The following TMEM245 variants were observed in gnomAD, a reference collection of about 807,000 sequenced individuals.
The protein encoded by TMEM245 is transmembrane protein 245.
Under a neutral mutation model 101.2 loss-of-function variants are expected in TMEM245, and 69 were observed. That is an observed-to-expected ratio of 0.68 (90% CI 0.56 to 0.83). TMEM245 has a LOEUF of 0.83. Among genes scored for constraint, TMEM245 ranks in the 40% least tolerant of loss-of-function variants. The pLI is 0.00. For synonymous variants in TMEM245, 537 were observed against 449.8 expected, an observed-to-expected ratio of 1.19 and a Z score of -2.45; for missense variants, 1,075 against 1,092.8, an observed-to-expected ratio of 0.98 and a Z score of 0.23.
At chr9:109,024,634 G>A (rs762936936) in intron 17 of TMEM245, among the ~76,000 whole-genome samples, 4 of 152,314 alleles carry the variant, frequency 2.6e-5, no homozygotes, top group Admixed American at 2.0e-4. Context: ...TCACAAAAAG[G>A]GTACTTTGAG....
intron 17 of TMEM245, 66 bp downstream of exon 17, chr9:109,033,241 A>G (rs1222026840): frequency 7.0e-7 from 1 of 1,435,088 alleles, no homozygotes; most frequent in Non-Finnish European, 9.3e-7. Context: ...GAAGCTACTT[A>G]TCAAATACAG....
chr9:109,095,315 C>A (rs1420118282), intron 3 of TMEM245, among the ~76,000 whole-genome samples: 1 of 152,094 alleles, frequency 6.6e-6, no homozygotes, highest in Non-Finnish European at 1.5e-5. Flanking sequence ...CAGACCCTGC[C>A]CCCAGGGAGT....
At chr9:109,110,918 G>A (rs575991785) in intron 1 of TMEM245, among the ~76,000 whole-genome samples, 84 of 152,280 alleles carry the variant, frequency 5.5e-4, no homozygotes, top group African/African-American at 1.9e-3. Context: ...GTCAGCCTAT[G>A]ACTAGTAGAA....
chr9:109,067,902 C>A (rs1415995959), intron 9 of TMEM245, among the ~76,000 whole-genome samples: 8 of 152,126 alleles, frequency 5.3e-5, no homozygotes. Flanking sequence ...CTACATGAAT[C>A]CCCTACAAGG....
chr9:109,064,653 A>G (rs1049615097), intron 9 of TMEM245, 86 bp from the exon 10 acceptor site: 10 of 1,080,568 alleles, frequency 9.3e-6, no homozygotes, highest in Non-Finnish European at 1.2e-5. Context: ...TGCTTAATCC[A>G]TAACAGACAG....
At chr9:109,097,256 A>C (rs1830166043) in intron 3 of TMEM245, among the ~76,000 whole-genome samples, 1 of 152,218 alleles carries the variant, frequency 6.6e-6, no homozygotes, top group African/African-American at 2.4e-5. Flanking sequence ...TGTTTCAGGA[A>C]GACAAAAAAA....
chr9:109,109,295 G>A (rs1250781402), intron 1 of TMEM245, among the ~76,000 whole-genome samples: 3 of 152,180 alleles, frequency 2.0e-5, no homozygotes, highest in Admixed American at 6.5e-5. Flanking sequence ...AGAAACCAGC[G>A]TAGCCTACAC....
intron 3 of TMEM245, among the ~76,000 whole-genome samples, chr9:109,104,274 G>T (rs552872083): frequency 6.6e-6 from 1 of 152,078 alleles, no homozygotes; most frequent in Admixed American, 6.6e-5. Context: ...CACATTACAT[G>T]CCTGTGTCAA....
chr9:109,089,092 A>G (rs1036634504), intron 5 of TMEM245, among the ~76,000 whole-genome samples: 2 of 152,004 alleles, frequency 1.3e-5, no homozygotes, highest in African/African-American at 4.8e-5. Context: ...CCTGGGCAAC[A>G]TGGCAAACTA....
chr9:109,119,054 G>A (rs1025323020), intron 1 of TMEM245, among the ~76,000 whole-genome samples: 1 of 152,172 alleles, frequency 6.6e-6, no homozygotes, highest in Non-Finnish European at 1.5e-5. Context: ...TCTGCAAAGC[G>A]AAATAACGAT....
At chr9:109,028,477 A>C (rs1827854710) in intron 17 of TMEM245, among the ~76,000 whole-genome samples, 1 of 151,796 alleles carries the variant, frequency 6.6e-6, no homozygotes, top group African/African-American at 2.4e-5. Context: ...AAAATCCAAA[A>C]TGCTCCAACG....
At chr9:109,054,939 C>T (rs1333878606) in intron 12 of TMEM245, among the ~76,000 whole-genome samples, 1 of 152,194 alleles carries the variant, frequency 6.6e-6, no homozygotes, top group African/African-American at 2.4e-5. Context: ...CATACAAAAA[C>T]TACTAATCAT....
chr9:109,093,424 G>T, intron 4 of TMEM245, 51 bp downstream of exon 4: 2 of 1,484,534 alleles, frequency 1.3e-6, no homozygotes, highest in East Asian at 4.5e-5. Flanking sequence ...TACTTTCTAT[G>T]TACATTTCAT....
In TMEM245 at chr9:109,036,227, G is replaced by A; in HGVS notation, c.2378C>T (p.Ala793Val). Residue 793 changes from alanine (A) to valine (V), a missense_variant, in exon 16 of 18, where the codon GCA becomes GTA. Physicochemically the swap from Ala to Val is moderately conservative, Grantham distance 64. Around this residue, in one of 2 missense-constraint regions of TMEM245, gnomAD observed 267 missense variants for 351.3 expected, o/e 0.76. Coordinates refer to ENST00000374586, the MANE Select transcript of TMEM245 (RefSeq NM_032012.4). ...TTACCCTGATATGTCAGAGTAGATT[G>A]CAGTATCTACAAAGTATGTTGGCAA... is the stretch of plus-strand genomic sequence containing the variant. ...HLLPTYFVDT[A>V]IYSDISGGGH... 6.2e-7 allele frequency: 1 copy of A among 1,611,198 alleles called. No individual in the cohort carries two copies. Among genetic ancestry groups the A allele is most frequent in the Non-Finnish European group, 8.5e-7 (1 of 1,179,338 alleles).
chr9:109,087,657 A>G lies in TMEM245; in HGVS notation c.1151-315T>C, dbSNP rs184229033. Among the ~76,000 whole-genome samples the G allele has an allele frequency of 5.9e-5, 9 of 152,338 alleles. No homozygotes were observed. In the South Asian group the frequency reaches 1.9e-3, roughly 32 times the overall value. ...CATCGTGAAGATTTCAGTGACTACA[A>G]TTCTGGCCCCTTGCATATTCCCCCT... is the stretch of plus-strand genomic sequence containing the variant. On this transcript the variant is annotated intron_variant, in intron 5 of 17. Transcript: ENST00000374586.
rs774246979 is a variant in TMEM245 at position 109,073,457 on chromosome 9, A to C, written c.1450-19T>G. The C allele has an allele frequency of 6.4e-7, 1 of 1,556,578 alleles. No homozygotes were observed. Among genetic ancestry groups the C allele is most frequent in the South Asian group, 1.1e-5 (1 of 87,430 alleles). ...GATGTACCTGTATTACAGATAAAGA[A>C]AGAAAAGAATCTCAGTAAAAAATAA... On this transcript the variant is annotated intron_variant, in intron 8 of 17. Transcript: ENST00000374586.
At chr9:109,073,291 T>C in intron 9 of TMEM245, 65 bp downstream of exon 9, 2 of 1,228,562 alleles carry the variant, frequency 1.6e-6, no homozygotes, top group Admixed American at 3.4e-5. Context: ...TGAAGGTCAT[T>C]TCGTGCAAAC....
At position 109,033,296 on chromosome 9, in the gene TMEM245, C is replaced by T; in HGVS notation, c.2594+11G>A. 6.3e-7 allele frequency: 1 copy of T among 1,592,410 alleles called. No homozygotes were observed. The highest frequency in any genetic ancestry group is 8.5e-7 in the Non-Finnish European group (1 of 1,170,230). ...ATAAATACAGCTTATGATTATTCTG[C>T]TTTAACTCACCGCTGAGGCTGAGCA... On this transcript the variant is annotated intron_variant, in intron 17 of 17. Coordinates refer to ENST00000374586, the MANE Select transcript of TMEM245 (RefSeq NM_032012.4).
chr9:109,016,966 T>A lies in TMEM245; in HGVS notation c.*3494A>T, dbSNP rs1827465376. On this transcript the variant is annotated 3_prime_UTR_variant, in exon 18 of 18. Transcript: ENST00000374586. Reference sequence around the variant, plus strand: ...TTTTTTTTTCCTATAAACCCTGAGGTTGAAAGCTCTGGATAGCTCACCTAA... The same window carrying A: ...TTTTTTTTTCCTATAAACCCTGAGGATGAAAGCTCTGGATAGCTCACCTAA... 6.6e-6 allele frequency: 1 copy of A among 151,992 alleles called. No individual in the cohort carries two copies. The highest frequency in any genetic ancestry group is 2.4e-5 in the African/African-American group (1 of 41,364). The allele number at this position is 151,992 out of a possible 1,614,324, so 9.4% of individuals were successfully genotyped here.
Sources: allele counts gnomAD v4.1 joint callset (sites outside exome capture counted in the v4.1 genomes callset), GRCh38; gene constraint gnomAD v4.1.1; regional missense constraint gnomAD v4.1.1; transcripts MANE v1.5; gene names NCBI Gene and HGNC (gene_info 2026-07-23, HGNC 2026-07-21).